Variants in DRAM1 observed in about 807,000 individuals in gnomAD.
The protein encoded by DRAM1 is DNA damage regulated autophagy modulator 1.
In DRAM1, 25 loss-of-function variants were observed where a neutral mutation model predicts 28.5. That is an observed-to-expected ratio of 0.88 (90% CI 0.64 to 1.23). The LOEUF (loss-of-function observed/expected upper bound fraction) is 1.23. DRAM1 is among the 50% of genes most tolerant of loss of function. The pLI is 0.00. For synonymous variants in DRAM1, 113 were observed against 114.2 expected, an observed-to-expected ratio of 0.99 and a Z score of 0.07; for missense variants, 249 against 299.2, an observed-to-expected ratio of 0.83 and a Z score of 1.24.
At chr12:101,903,538 C>T (rs975050244) in intron 3 of DRAM1, among the ~76,000 whole-genome samples, 3 of 151,874 alleles carry the variant, frequency 2.0e-5, no homozygotes, top group Admixed American at 6.6e-5. Flanking sequence ...AGATGAGGAG[C>T]GGGGAGGTAT....
chr12:101,881,586 A>G (rs958740030), intron 1 of DRAM1, among the ~76,000 whole-genome samples: 3 of 152,168 alleles, frequency 2.0e-5, no homozygotes, highest in Non-Finnish European at 4.4e-5. Flanking sequence ...TCTTAAACAC[A>G]TCAAGCACCC....
At chr12:101,911,918 T>C (rs1300315399) in intron 4 of DRAM1, among the ~76,000 whole-genome samples, 1 of 152,034 alleles carries the variant, frequency 6.6e-6, no homozygotes, top group African/African-American at 2.4e-5. Context: ...TTATTAAAAT[T>C]AAGTTAGGGG....
intron 3 of DRAM1, among the ~76,000 whole-genome samples, chr12:101,904,249 C>T (rs989841025): frequency 1.3e-5 from 2 of 151,844 alleles, no homozygotes; most frequent in African/African-American, 2.4e-5. Flanking sequence ...ACCTCGGCCT[C>T]CTGAAGTGCT....
chr12:101,880,857 G>A (rs1440366606), intron 1 of DRAM1, among the ~76,000 whole-genome samples: 2 of 152,128 alleles, frequency 1.3e-5, no homozygotes, highest in African/African-American at 4.8e-5. Context: ...AATTTAACAA[G>A]GAAGCCTTCA....
chr12:101,895,601 C>T (rs1873335926), intron 1 of DRAM1, among the ~76,000 whole-genome samples: 1 of 107,680 alleles, frequency 9.3e-6, no homozygotes, highest in African/African-American at 3.8e-5. Context: ...GAAGGAGTCT[C>T]ACTCTGTCAC....
In DRAM1 at chr12:101,882,809, AC is replaced by A. The variant is rs1009548802; in HGVS notation, c.131+4896del. 3.0e-5 allele frequency among the ~76,000 whole-genome samples: 4 copies of A among 133,652 alleles called. 1 individual carries two copies. Among genetic ancestry groups the A allele is most frequent in the East Asian group, 5.0e-4 (2 of 4,002 alleles). 87.7% of individuals were successfully genotyped at this position (133,652 alleles called of 152,430 possible). A position where few individuals can be genotyped will look rare whatever the true frequency, so the allele number is the denominator to read the frequency against. ...CTATGGAAATGACAGATACACACAC[AC>A]CCCCCCATCATTTGATGCAACAGCC... is the stretch of plus-strand genomic sequence containing the variant. On this transcript the variant is annotated intron_variant, in intron 1 of 6. Coordinates refer to ENST00000258534, the MANE Select transcript of DRAM1 (RefSeq NM_018370.3).
intron 5 of DRAM1, among the ~76,000 whole-genome samples, chr12:101,915,670 A>ATAGCTGGGATTACAGGCAC (rs376066986): frequency 4.9e-4 from 74 of 151,958 alleles, no homozygotes; most frequent in Middle Eastern, 3.4e-3. Flanking sequence ...AGCCTCCCAA[A>ATAGCTGGGATTACAGGCAC]TAGCTGGGAT....
At chr12:101,910,871 C>T (rs768427631) in intron 4 of DRAM1, among the ~76,000 whole-genome samples, 4 of 152,174 alleles carry the variant, frequency 2.6e-5, no homozygotes, top group African/African-American at 4.8e-5. Context: ...TGAATGAATT[C>T]ATCCACACGA....
At chr12:101,912,481 C>T (rs1257414686) in intron 4 of DRAM1, among the ~76,000 whole-genome samples, 1 of 152,168 alleles carries the variant, frequency 6.6e-6, no homozygotes, top group African/African-American at 2.4e-5. Context: ...CTCCCACCCC[C>T]AGACCAGAAT....
intron 1 of DRAM1, among the ~76,000 whole-genome samples, chr12:101,896,307 T>G (rs954200830): frequency 1.3e-5 from 2 of 152,276 alleles, no homozygotes; most frequent in Non-Finnish European, 2.9e-5. Context: ...GTGCATCATT[T>G]TCAACGTGAT....
chr12:101,906,320 G>C (rs1156813042), intron 3 of DRAM1, among the ~76,000 whole-genome samples: 1 of 152,098 alleles, frequency 6.6e-6, no homozygotes, highest in Non-Finnish European at 1.5e-5. Flanking sequence ...TCCAGCTTGA[G>C]GTTGAACTGT....
chr12:101,893,813 C>G (rs1256470010), intron 1 of DRAM1, among the ~76,000 whole-genome samples: 1 of 149,254 alleles, frequency 6.7e-6, no homozygotes, highest in Non-Finnish European at 1.5e-5. Context: ...CATTCAATGG[C>G]TATTTGCAAA....
chr12:101,914,544 G>A (rs1202868167), intron 5 of DRAM1, among the ~76,000 whole-genome samples: 4 of 148,508 alleles, frequency 2.7e-5, no homozygotes, highest in African/African-American at 1.0e-4. Flanking sequence ...ATGCAGTGGT[G>A]CAATCTCAGC....
At chr12:101,897,574 G>A (rs558314262) in intron 1 of DRAM1, among the ~76,000 whole-genome samples, 2 of 151,838 alleles carry the variant, frequency 1.3e-5, no homozygotes, top group South Asian at 4.2e-4. Flanking sequence ...CACTGAGAAG[G>A]AACACATACC....
At chr12:101,883,881 A>G (rs1037183088) in intron 1 of DRAM1, among the ~76,000 whole-genome samples, 2 of 151,108 alleles carry the variant, frequency 1.3e-5, no homozygotes, top group Non-Finnish European at 3.0e-5. Context: ...GTTGCAGTGG[A>G]CCGAGATTGT....
intron 3 of DRAM1, among the ~76,000 whole-genome samples, chr12:101,906,664 G>C (rs895370290): frequency 1.3e-5 from 2 of 151,918 alleles, no homozygotes; most frequent in Non-Finnish European, 2.9e-5. Context: ...GACCAGCCTG[G>C]CCAACATGGA....
chr12:101,895,635 A>C (rs1248198387), intron 1 of DRAM1, among the ~76,000 whole-genome samples: 1 of 131,610 alleles, frequency 7.6e-6, no homozygotes, highest in Non-Finnish European at 1.5e-5. Flanking sequence ...CAGTGGCACG[A>C]TCTCGGCTCA....
chr12:101,878,061 T>A, intron 1 of DRAM1, 141 bp downstream of exon 1: 1 of 1,188,980 alleles, frequency 8.4e-7, no homozygotes, highest in Non-Finnish European at 1.1e-6. Flanking sequence ...GGAGAGGTGC[T>A]CCCGATAGCC....
At chr12:101,892,658 A>C (rs1202274110) in intron 1 of DRAM1, among the ~76,000 whole-genome samples, 2 of 152,156 alleles carry the variant, frequency 1.3e-5, no homozygotes, top group East Asian at 3.8e-4. Context: ...TTCATGAACT[A>C]TTCTTGAGCA....
Sources: allele counts gnomAD v4.1 joint callset (sites outside exome capture counted in the v4.1 genomes callset), GRCh38; gene constraint gnomAD v4.1.1; transcripts MANE v1.5; gene names NCBI Gene and HGNC (gene_info 2026-07-23, HGNC 2026-07-21).